ARHGAP24: variants seen among roughly 807,000 people sequenced by gnomAD.
The protein encoded by ARHGAP24 is rho GTPase-activating protein 24.
Under a neutral mutation model 76.4 loss-of-function variants are expected in ARHGAP24, and 50 were observed. That is an observed-to-expected ratio of 0.65 (90% CI 0.52 to 0.83). The LOEUF is 0.83. Ranked by LOEUF, ARHGAP24 falls within the 40% of genes least tolerant of loss-of-function variation. The pLI, the probability that ARHGAP24 is intolerant of heterozygous loss-of-function variation, is 0.00. For synonymous variants in ARHGAP24, 345 were observed against 323.3 expected, an observed-to-expected ratio of 1.07 and a Z score of -0.72; for missense variants, 930 against 914.2, an observed-to-expected ratio of 1.02 and a Z score of -0.22.
chr4:85,519,993 C>T (rs17010314), intron 1 of ARHGAP24, among the ~76,000 whole-genome samples: 9 of 151,920 alleles, frequency 5.9e-5, no homozygotes, highest in Non-Finnish European at 1.2e-4. Context: ...TCTCACCTTT[C>T]GTGTTTACTT....
At chr4:85,624,807 TGTATG>T (rs1720874327) in intron 2 of ARHGAP24, among the ~76,000 whole-genome samples, 1 of 152,182 alleles carries the variant, frequency 6.6e-6, no homozygotes, top group Non-Finnish European at 1.5e-5. Flanking sequence ...CTTTGGAGGA[TGTATG>T]TGTTGAGGAA....
intron 1 of ARHGAP24, among the ~76,000 whole-genome samples, chr4:85,556,230 G>A (rs965516991): frequency 6.6e-6 from 1 of 152,062 alleles, no homozygotes; most frequent in African/African-American, 2.4e-5. Context: ...AAACCCTCAG[G>A]TTCTTTATTT....
chr4:85,580,272 A>C (rs560226277), intron 2 of ARHGAP24, among the ~76,000 whole-genome samples: 1 of 152,240 alleles, frequency 6.6e-6, no homozygotes, highest in African/African-American at 2.4e-5. Context: ...AAGACAAATG[A>C]ATCTCTGCCT....
At chr4:85,996,806 G>A (rs142232230) in intron 9 of ARHGAP24, among the ~76,000 whole-genome samples, 29 of 152,086 alleles carry the variant, frequency 1.9e-4, no homozygotes, top group Middle Eastern at 6.8e-3. Context: ...ACTATGTATT[G>A]GAATTCTGAA....
At chr4:85,667,542 T>A (rs533006207) in intron 2 of ARHGAP24, among the ~76,000 whole-genome samples, 1 of 152,328 alleles carries the variant, frequency 6.6e-6, no homozygotes, top group Admixed American at 6.5e-5. Context: ...CTTAGTGAGA[T>A]GAACCCCGTA....
At chr4:85,573,938 A>G (rs950042882) in intron 2 of ARHGAP24, among the ~76,000 whole-genome samples, 2 of 152,116 alleles carry the variant, frequency 1.3e-5, no homozygotes, top group African/African-American at 2.4e-5. Flanking sequence ...TTTCACTTCA[A>G]TGCTTCCAAC....
At chr4:85,682,794 C>A (rs1286055443) in intron 2 of ARHGAP24, among the ~76,000 whole-genome samples, 1 of 152,120 alleles carries the variant, frequency 6.6e-6, no homozygotes, top group Non-Finnish European at 1.5e-5. Flanking sequence ...GAGTATTGGA[C>A]TCTCTGTAAA....
chr4:85,611,212 T>A (rs954287887), intron 2 of ARHGAP24, among the ~76,000 whole-genome samples: 12 of 152,196 alleles, frequency 7.9e-5, no homozygotes, highest in African/African-American at 2.9e-4. Context: ...GGGGGCCTAA[T>A]GTTATAGTTT....
intron 1 of ARHGAP24, among the ~76,000 whole-genome samples, chr4:85,496,799 G>A (rs1396246146): frequency 1.3e-5 from 2 of 152,186 alleles, no homozygotes; most frequent in Non-Finnish European, 2.9e-5. Context: ...TTGGTGACAG[G>A]TCAAAAACCT....
At chr4:85,999,494 G>C (rs1237525134) in intron 9 of ARHGAP24, among the ~76,000 whole-genome samples, 1 of 152,028 alleles carries the variant, frequency 6.6e-6, no homozygotes, top group East Asian at 1.9e-4. Context: ...TTTAAAAACT[G>C]TTATTAAAAT....
At chr4:85,890,171 A>G (rs1733809498) in intron 3 of ARHGAP24, among the ~76,000 whole-genome samples, 1 of 152,164 alleles carries the variant, frequency 6.6e-6, no homozygotes, top group South Asian at 2.1e-4. Flanking sequence ...TCAGTTAACA[A>G]TGACACCTAG....
intron 3 of ARHGAP24, among the ~76,000 whole-genome samples, chr4:85,808,630 C>T (rs1467078078): frequency 6.6e-6 from 1 of 152,096 alleles, no homozygotes; most frequent in Non-Finnish European, 1.5e-5. Context: ...TTCCAAAAAA[C>T]TATAGAGAGA....
chr4:85,497,510 C>T (rs898544800), intron 1 of ARHGAP24, among the ~76,000 whole-genome samples: 2 of 152,192 alleles, frequency 1.3e-5, no homozygotes, highest in African/African-American at 4.8e-5. Flanking sequence ...AAAATCAGTT[C>T]TTCTATGCTA....
chr4:85,995,332 T>C lies in ARHGAP24; in HGVS notation c.1678T>C (p.Cys560Arg), dbSNP rs776960249. 7 of 1,613,958 alleles carry C rather than the reference T, an allele frequency of 4.3e-6. No individual in the cohort carries two copies. The highest frequency in any genetic ancestry group is 8.5e-7 in the Non-Finnish European group (1 of 1,180,018). ...CAGTGCTACCTGGTCCACTTCCTCCTGTGAAATCTCCCTCCCTGAGAACTC... is the reference window on the plus strand; with the variant it reads ...CAGTGCTACCTGGTCCACTTCCTCCCGTGAAATCTCCCTCCCTGAGAACTC... ...IDSATWSTSSCEISLPENSNS... is the reference protein window; with the variant it reads ...IDSATWSTSSREISLPENSNS... Residue 560 changes from cysteine to arginine, a missense_variant, in exon 9 of 10, where the codon TGT (cysteine) becomes CGT (arginine). Transcript: ENST00000395184.
chr4:85,970,490 C>A (rs1364652411), intron 5 of ARHGAP24, among the ~76,000 whole-genome samples: 1 of 152,048 alleles, frequency 6.6e-6, no homozygotes, highest in Admixed American at 6.6e-5. Context: ...TTTATTTAAA[C>A]CCCTGAGGTC....
intron 3 of ARHGAP24, among the ~76,000 whole-genome samples, chr4:85,885,185 T>C (rs1405197288): frequency 2.0e-5 from 3 of 152,122 alleles, no homozygotes; most frequent in African/African-American, 7.2e-5. Flanking sequence ...TCATTACGCT[T>C]CCTTTATGTA....
intron 2 of ARHGAP24, among the ~76,000 whole-genome samples, chr4:85,593,604 C>T (rs1728204445): frequency 6.6e-6 from 1 of 152,058 alleles, no homozygotes; most frequent in Admixed American, 6.6e-5. Context: ...ATACTTAAAT[C>T]CTAATCCATT....
At chr4:85,542,940 G>A (rs542684144) in intron 1 of ARHGAP24, among the ~76,000 whole-genome samples, 1 of 152,166 alleles carries the variant, frequency 6.6e-6, no homozygotes, top group East Asian at 1.9e-4. Flanking sequence ...GATTATGTGA[G>A]TTATATGTAT....
At chr4:85,852,226 C>T (rs952605376) in intron 3 of ARHGAP24, among the ~76,000 whole-genome samples, 3 of 152,170 alleles carry the variant, frequency 2.0e-5, no homozygotes, top group African/African-American at 7.2e-5. Flanking sequence ...ACCCTTTCTT[C>T]CATTGATCGA....
Sources: allele counts gnomAD v4.1 joint callset (sites outside exome capture counted in the v4.1 genomes callset), GRCh38; gene constraint gnomAD v4.1.1; transcripts MANE v1.5; gene names NCBI Gene and HGNC (gene_info 2026-07-23, HGNC 2026-07-21).